Variants in DPY19L2 observed in about 807,000 individuals in gnomAD.
The protein encoded by DPY19L2 is dpy-19 like 2.
A neutral mutation model predicts 97.9 loss-of-function variants in DPY19L2; 34 were observed. That is an observed-to-expected ratio of 0.35 (90% CI 0.26 to 0.46). The LOEUF is 0.46. Among genes scored for constraint, DPY19L2 ranks in the 20% least tolerant of loss-of-function variants. The pLI, the probability that DPY19L2 is intolerant of heterozygous loss-of-function variation, is 1.00. For synonymous variants in DPY19L2, 230 were observed against 307.9 expected (o/e 0.75, Z 2.65); for missense variants, 623 against 911.4 (o/e 0.68, Z 4.07).
At chr12:63,579,033 C>T (rs1478635924) in intron 19 of DPY19L2, among the ~76,000 whole-genome samples, 1 of 152,132 alleles carries the variant, frequency 6.6e-6, no homozygotes, top group African/African-American at 2.4e-5. Flanking sequence ...ACCTGTCCAG[C>T]AAGAGCTGGA....
chr12:63,622,166 C>CA (rs1331425628), intron 8 of DPY19L2, among the ~76,000 whole-genome samples: 2 of 152,114 alleles, frequency 1.3e-5, no homozygotes, highest in African/African-American at 4.8e-5. Flanking sequence ...GACTAAGACA[C>CA]AGAGTATAGC....
chr12:63,626,359 T>C, intron 7 of DPY19L2, 110 bp downstream of exon 7: 1 of 1,267,566 alleles, frequency 7.9e-7, no homozygotes, highest in Non-Finnish European at 1.1e-6. Context: ...GTCTTTAAAA[T>C]ATTGTGAAGT....
chr12:63,629,496 C>T (rs993842228), intron 6 of DPY19L2, among the ~76,000 whole-genome samples: 19 of 151,818 alleles, frequency 1.3e-4, no homozygotes, highest in East Asian at 7.7e-4. Context: ...TGAAATGAAG[C>T]GAGAGGAGAA....
At chr12:63,618,002 A>C (rs1888113003) in intron 10 of DPY19L2, 149 bp downstream of exon 10, 1 of 584,460 alleles carries the variant, frequency 1.7e-6, no homozygotes. Context: ...TCTATAATAT[A>C]CATTTCCAGT....
rs932172516 is a variant in DPY19L2 at position 63,644,275 on chromosome 12, T to C, written c.803+128A>G. 133 of 1,268,046 alleles carry C rather than the reference T, an allele frequency of 1.0e-4. 1 individual carries two copies. Among genetic ancestry groups the C allele is most frequent in the Non-Finnish European group, 6.3e-5 (60 of 946,802 alleles). The allele number at this position is 1,268,046 out of a possible 1,614,324, so 78.5% of individuals were successfully genotyped here. On this transcript the variant is annotated intron_variant, in intron 6 of 21. Coordinates refer to ENST00000324472, the MANE Select transcript of DPY19L2 (RefSeq NM_173812.5). Reference sequence around the variant, plus strand: ...TGATATTGGTTAAGCTTCTGAAAAATCAAGTAAATCCACAAACTTTCCTGA... The same window carrying C: ...TGATATTGGTTAAGCTTCTGAAAAACCAAGTAAATCCACAAACTTTCCTGA...
chr12:63,655,439 T>C (rs1164425264), intron 4 of DPY19L2, among the ~76,000 whole-genome samples: 2 of 152,118 alleles, frequency 1.3e-5, no homozygotes, highest in Non-Finnish European at 2.9e-5. Flanking sequence ...AATATGATAT[T>C]GAATCAACTC....
At chr12:63,640,404 C>G (rs140233027) in intron 6 of DPY19L2, among the ~76,000 whole-genome samples, 4,492 of 152,144 alleles carry the variant, frequency 0.03, 103 homozygotes, top group Middle Eastern at 0.082. Context: ...TCCAAGATTC[C>G]TTGTTTGATT....
chr12:63,584,057 T>C, intron 16 of DPY19L2: 1 of 477,030 alleles, frequency 2.1e-6, no homozygotes, highest in East Asian at 3.7e-5. Context: ...TGTCAAAAAT[T>C]TGTTCTTTGG....
intron 15 of DPY19L2, among the ~76,000 whole-genome samples, chr12:63,594,464 A>AGTGTGTGTGT (rs539673870): frequency 0.031 from 3,930 of 124,978 alleles, 104 homozygotes; most frequent in South Asian, 0.056. Flanking sequence ...AGAGAGAGAT[A>AGTGTGTGTGT]GTGTGTGTGT....
intron 19 of DPY19L2, among the ~76,000 whole-genome samples, chr12:63,575,298 C>T (rs1879620102): frequency 6.6e-6 from 1 of 151,782 alleles, no homozygotes; most frequent in Admixed American, 6.6e-5. Context: ...CACATCAAAA[C>T]CTATGGGATA....
At chr12:63,575,272 G>T (rs1361874014) in intron 19 of DPY19L2, among the ~76,000 whole-genome samples, 1 of 151,854 alleles carries the variant, frequency 6.6e-6, no homozygotes, top group Non-Finnish European at 1.5e-5. Flanking sequence ...TGAAACAAAC[G>T]ATAATGAAAA....
rs928542980 is a variant in DPY19L2, at chr12:63,631,041, T to C, written c.804-4515A>G. On this transcript the variant is annotated intron_variant, in intron 6 of 21. Transcript: ENST00000324472. ...CAACGAGAACAAAGACACAACATAT[T>C]AGAATCTCTGGGACACATTCAAAGC... Among the ~76,000 whole-genome samples the C allele has an allele frequency of 2.3e-4, 35 of 152,048 alleles. 1 individual carries two copies. Among genetic ancestry groups the C allele is most frequent in the African/African-American group, 5.5e-4 (23 of 41,496 alleles).
At chr12:63,565,984 T>C (rs1877598949) in intron 21 of DPY19L2, among the ~76,000 whole-genome samples, 1 of 152,180 alleles carries the variant, frequency 6.6e-6, no homozygotes, top group South Asian at 2.1e-4. Context: ...TTCTCTGATA[T>C]TCATACATTT....
chr12:63,649,801 T>C (rs1450566995), intron 4 of DPY19L2, among the ~76,000 whole-genome samples: 1 of 152,046 alleles, frequency 6.6e-6, no homozygotes, highest in African/African-American at 2.4e-5. Flanking sequence ...ACTTGAGGGA[T>C]TCCTCCCTTA....
intron 11 of DPY19L2, among the ~76,000 whole-genome samples, chr12:63,611,966 G>T (rs1672492042): frequency 6.6e-6 from 1 of 151,840 alleles, no homozygotes; most frequent in Non-Finnish European, 1.5e-5. Context: ...CTATAGTAAG[G>T]CACATTATAT....
chr12:63,621,880 T>C (rs1329090300), intron 8 of DPY19L2, among the ~76,000 whole-genome samples: 1 of 152,160 alleles, frequency 6.6e-6, no homozygotes, highest in East Asian at 1.9e-4. Context: ...TTGTCCATTC[T>C]GCATTACTGA....
intron 16 of DPY19L2, 30 bp from the exon 17 acceptor site, chr12:63,583,866 A>G: frequency 6.3e-7 from 1 of 1,593,060 alleles, no homozygotes. Flanking sequence ...TTACCTATTT[A>G]CTGAAGGTCT....
chr12:63,650,016 C>T (rs1418981736), intron 4 of DPY19L2, among the ~76,000 whole-genome samples: 4 of 152,076 alleles, frequency 2.6e-5, no homozygotes, highest in African/African-American at 4.8e-5. Flanking sequence ...GGTGGTTCAA[C>T]ACAGGCAAAT....
intron 15 of DPY19L2, among the ~76,000 whole-genome samples, chr12:63,594,861 C>A (rs1307549308): frequency 2.0e-5 from 3 of 152,122 alleles, no homozygotes; most frequent in Admixed American, 6.6e-5. Context: ...CTAAGTGGAG[C>A]CTTAGAAGAA....
Sources: allele counts gnomAD v4.1 joint callset (sites outside exome capture counted in the v4.1 genomes callset), GRCh38; gene constraint gnomAD v4.1.1; transcripts MANE v1.5; gene names NCBI Gene and HGNC (gene_info 2026-07-23, HGNC 2026-07-21).